Variants in RGS6 observed in about 807,000 individuals in gnomAD.
RGS6 encodes the protein regulator of G-protein signaling 6.
In RGS6, 30 loss-of-function variants were observed where a neutral mutation model predicts 78.5. That is an observed-to-expected ratio of 0.38 (90% CI 0.29 to 0.52). RGS6 has a LOEUF of 0.52. RGS6 is among the 20% of genes least tolerant of loss of function. The pLI is 0.85. For missense variants in RGS6, 495 were observed against 609.7 expected, an observed-to-expected ratio of 0.81 and a Z score of 1.98; for synonymous variants, 206 against 206.0, an observed-to-expected ratio of 1.00 and a Z score of 0.00.
intron 2 of RGS6, among the ~76,000 whole-genome samples, chr14:72,050,744 T>A (rs2093180728): frequency 6.6e-6 from 1 of 152,190 alleles, no homozygotes. Flanking sequence ...CAGTCTTTTT[T>A]AAACCAAACA....
chr14:72,587,937 C>T, the RGS6 span, among the ~76,000 whole-genome samples: 4 of 152,162 alleles, frequency 2.6e-5, no homozygotes, highest in South Asian at 2.1e-4. Flanking sequence ...GAGACATCAT[C>T]GGCCAGTAAG....
chr14:72,151,571 C>T (rs72719851), intron 2 of RGS6, among the ~76,000 whole-genome samples: 1 of 152,038 alleles, frequency 6.6e-6, no homozygotes, highest in Non-Finnish European at 1.5e-5. Flanking sequence ...AGTGGCCACG[C>T]TGAATCTCTA....
chr14:72,081,474 A>G (rs2094822466), intron 2 of RGS6, among the ~76,000 whole-genome samples: 1 of 151,966 alleles, frequency 6.6e-6, no homozygotes, highest in South Asian at 2.1e-4. Context: ...TTCCTCCTCA[A>G]ATATGTATTT....
At chr14:72,373,655 A>G (rs988766537) in intron 3 of RGS6, among the ~76,000 whole-genome samples, 1 of 152,186 alleles carries the variant, frequency 6.6e-6, no homozygotes, top group Non-Finnish European at 1.5e-5. Context: ...GCTTTAGAGA[A>G]GGAGATGATG....
At chr14:72,623,877 T>A in the RGS6 span, among the ~76,000 whole-genome samples, 2 of 152,188 alleles carry the variant, frequency 1.3e-5, no homozygotes, top group African/African-American at 4.8e-5. Flanking sequence ...GAGAAATAAG[T>A]GATTCCAGGT....
chr14:72,263,366 C>T (rs749764649), intron 2 of RGS6, among the ~76,000 whole-genome samples: 25 of 152,140 alleles, frequency 1.6e-4, no homozygotes, highest in Admixed American at 5.2e-4. Flanking sequence ...ACTCTCCGGA[C>T]GACCCAGCCT....
chr14:72,473,396 AGC>A (rs2096143938), intron 9 of RGS6, among the ~76,000 whole-genome samples: 1 of 152,172 alleles, frequency 6.6e-6, no homozygotes, highest in Non-Finnish European at 1.5e-5. Flanking sequence ...GTGAGCCGAG[AGC>A]GCACCACTGC....
chr14:72,393,314 TTAACCTTGACTG>T (rs1951690956), intron 3 of RGS6, among the ~76,000 whole-genome samples: 1 of 152,214 alleles, frequency 6.6e-6, no homozygotes, highest in Admixed American at 6.5e-5. Context: ...TCAATGGTCC[TTAACCTTGACTG>T]TAACCTTGAC....
the RGS6 span, among the ~76,000 whole-genome samples, chr14:72,623,896 T>C: frequency 1.3e-5 from 2 of 152,150 alleles, no homozygotes. Context: ...GTCTGGAGCA[T>C]AAAATGTATA....
chr14:72,021,464 CTTTT>C (rs533727083), intron 2 of RGS6, among the ~76,000 whole-genome samples: 42 of 122,386 alleles, frequency 3.4e-4, no homozygotes, highest in Admixed American at 2.7e-3. Flanking sequence ...CTTTTTCTAA[CTTTT>C]TTTTTTTTTT....
chr14:72,274,858 T>C (rs996573736), intron 2 of RGS6, among the ~76,000 whole-genome samples: 6 of 152,238 alleles, frequency 3.9e-5, no homozygotes, highest in African/African-American at 1.4e-4. Context: ...AAATAATACA[T>C]TTGTGCTGCT....
chr14:72,289,441 A>T (rs2063183722), intron 2 of RGS6, among the ~76,000 whole-genome samples: 1 of 151,806 alleles, frequency 6.6e-6, no homozygotes, highest in Admixed American at 6.6e-5. Flanking sequence ...TGTGTCCATG[A>T]ATTGCCCATT....
chr14:72,365,638 C>A (rs2082313381), intron 3 of RGS6, among the ~76,000 whole-genome samples: 1 of 152,212 alleles, frequency 6.6e-6, no homozygotes, highest in African/African-American at 2.4e-5. Flanking sequence ...ATCTTATGTG[C>A]TGAAAGCAAA....
intron 2 of RGS6, among the ~76,000 whole-genome samples, chr14:72,177,932 T>C (rs2097127966): frequency 6.6e-6 from 1 of 152,232 alleles, no homozygotes. Context: ...AGTCTAGCCA[T>C]GTGCCATTGG....
At chr14:71,908,402 G>T in the RGS6 span, 9 of 152,226 alleles carry the variant, frequency 5.9e-5, no homozygotes, top group African/African-American at 1.9e-4. Flanking sequence ...AGGAGAAATA[G>T]GGACCGGCTG....
At chr14:71,922,856 A>AAAAAC in the RGS6 span, among the ~76,000 whole-genome samples, 54,072 of 150,552 alleles carry the variant, frequency 0.36, 9,942 homozygotes, top group Admixed American at 0.44. Context: ...GACAAAAAAC[A>AAAAAC]AAAACAAAAC....
chr14:71,883,852 T>G, the RGS6 span, among the ~76,000 whole-genome samples: 1 of 151,922 alleles, frequency 6.6e-6, no homozygotes, highest in South Asian at 2.1e-4. Flanking sequence ...CTATGTGGTC[T>G]AAAATGGGGA....
At chr14:72,486,172 C>T (rs962424835) in intron 12 of RGS6, among the ~76,000 whole-genome samples, 2 of 152,154 alleles carry the variant, frequency 1.3e-5, no homozygotes, top group Non-Finnish European at 2.9e-5. Context: ...TTCCCCTTCC[C>T]CCATGATTGT....
chr14:72,111,526 T>C (rs1338936841), intron 2 of RGS6, among the ~76,000 whole-genome samples: 1 of 152,158 alleles, frequency 6.6e-6, no homozygotes, highest in East Asian at 1.9e-4. Flanking sequence ...ATATGCCCAA[T>C]CCACATTTAT....
Sources: gnomAD v4.1 joint callset for allele counts (sites outside exome capture counted in the v4.1 genomes callset) on GRCh38, gnomAD v4.1.1 for gene constraint, MANE v1.5 for transcripts, NCBI Gene and HGNC (gene_info 2026-07-23, HGNC 2026-07-21) for gene names.